The following WIPF2 variants were observed in gnomAD, a reference collection of about 807,000 sequenced individuals.
WIPF2 encodes WAS/WASL-interacting protein family member 2.
WIPF2 carries 23 observed loss-of-function variants against 38.8 expected under a neutral mutation model. The ratio of observed to expected loss-of-function variants is 0.59; its 90% CI spans 0.43 to 0.84. WIPF2 has a LOEUF of 0.84. WIPF2 is among the 40% of genes least tolerant of loss of function. The probability of loss-of-function intolerance (pLI) is 0.00; values close to 1 mark genes in which losing one functional copy is unlikely to be tolerated. For synonymous variants in WIPF2, 210 were observed against 223.2 expected, an observed-to-expected ratio of 0.94 and a Z score of 0.53; for missense variants, 574 against 580.5, an observed-to-expected ratio of 0.99 and a Z score of 0.11.
chr17:40,278,505 C>T lies in WIPF2; in HGVS notation c.*280C>T, dbSNP rs1330304928. Reference sequence around the variant, plus strand: ...CATGAGGAACAAGTTTCCGTGTCTTCTGCCTTCCTCTTGGGGAAAGGTGCC... The same window carrying T: ...CATGAGGAACAAGTTTCCGTGTCTTTTGCCTTCCTCTTGGGGAAAGGTGCC... On this transcript the variant is annotated 3_prime_UTR_variant, in exon 8 of 8. Transcript: ENST00000323571. The T allele has an allele frequency of 2.2e-6, 1 of 451,352 alleles. No homozygotes were observed. Among genetic ancestry groups the T allele is most frequent in the Admixed American group, 3.7e-5 (1 of 26,760 alleles). 28.0% of individuals were successfully genotyped at this position (451,352 alleles called of 1,614,324 possible).
chr17:40,260,610 G>A lies in WIPF2; in HGVS notation c.139G>A (p.Gly47Arg), dbSNP rs2031866841. 6.2e-7 allele frequency: 1 copy of A among 1,613,948 alleles called. No homozygotes were observed. Among genetic ancestry groups the A allele is most frequent in the Non-Finnish European group, 8.5e-7 (1 of 1,180,008 alleles). ...CGCCCTCTTACAGGACATTTGCAAA[G>A]GGACCAAGCTGAAGAAGGTGACCAA... is the stretch of plus-strand genomic sequence containing the variant. ...RGALLQDICK[G>R]TKLKKVTNIN... Residue 47 changes from glycine to arginine, a missense_variant, in exon 3 of 8, where the codon GGG becomes AGG. Gly to Arg is a moderately radical substitution (Grantham distance 125). Coordinates refer to ENST00000323571, the MANE Select transcript of WIPF2 (RefSeq NM_133264.5).
rs2032565322 is a variant in WIPF2 at position 40,282,241 on chromosome 17, A to G, written c.*4016A>G. 1 of 152,036 alleles carries G rather than the reference A, an allele frequency of 6.6e-6. No homozygotes were observed. Among genetic ancestry groups the G allele is most frequent in the South Asian group, 2.1e-4 (1 of 4,832 alleles). The allele number at this position is 152,036 out of a possible 1,614,324, so 9.4% of individuals were successfully genotyped here. On this transcript the variant is annotated 3_prime_UTR_variant, in exon 8 of 8. Transcript: ENST00000323571. ...TTTCTTCCTTTCCCTCTTTGAAGCA[A>G]TTAAAATCTTCCTTGATAACTGCTG...
At chr17:40,226,211 T>A (rs1219510744) in intron 1 of WIPF2, among the ~76,000 whole-genome samples, 10 of 149,290 alleles carry the variant, frequency 6.7e-5, no homozygotes, top group African/African-American at 2.2e-4. Flanking sequence ...AAAAAAAATT[T>A]TTTTTTTTTT....
chr17:40,244,248 T>C (rs1314614961), intron 1 of WIPF2, among the ~76,000 whole-genome samples: 2 of 152,188 alleles, frequency 1.3e-5, no homozygotes, highest in African/African-American at 4.8e-5. Flanking sequence ...CTTGACATTA[T>C]TCCCTGTGTG....
chr17:40,250,717 CTG>C (rs2031531038), intron 1 of WIPF2, among the ~76,000 whole-genome samples: 1 of 151,944 alleles, frequency 6.6e-6, no homozygotes, highest in Non-Finnish European at 1.5e-5. Flanking sequence ...ACTTAAAATT[CTG>C]TAGAGAACCT....
intron 6 of WIPF2, 49 bp downstream of exon 6, chr17:40,274,048 C>A: frequency 6.9e-7 from 1 of 1,444,932 alleles, no homozygotes; most frequent in Non-Finnish European, 9.3e-7. Flanking sequence ...GTGACTTCAC[C>A]CACTCCAGTG....
chr17:40,230,718 T>A (rs923988792), intron 1 of WIPF2, among the ~76,000 whole-genome samples: 2 of 152,092 alleles, frequency 1.3e-5, no homozygotes, highest in Non-Finnish European at 2.9e-5. Context: ...TTACTTTTAG[T>A]GGGAGGAGCA....
chr17:40,236,798 G>A lies in WIPF2; in HGVS notation c.-70+17306G>A, dbSNP rs551979929. Among the ~76,000 whole-genome samples, 8 of 151,560 alleles carry A rather than the reference G, an allele frequency of 5.3e-5. No homozygotes were observed. The East Asian group carries it at 7.8e-4, about 15-fold the overall frequency. Reference sequence around the variant, plus strand: ...TAATTTTTGTGTTTTTAGTAGAGACGGGGTTTTACCATCTTGGCCAGGCTG... The same window carrying A: ...TAATTTTTGTGTTTTTAGTAGAGACAGGGTTTTACCATCTTGGCCAGGCTG... On this transcript the variant is annotated intron_variant, in intron 1 of 7. Coordinates refer to ENST00000323571, the MANE Select transcript of WIPF2 (RefSeq NM_133264.5).
rs1161756419 is a variant in WIPF2, at chr17:40,278,881, TAAAA to T, written c.*658_*661del. ...CTAATCAGTTGAACTTAACATTTAA[TAAAA>T]AGAAAGGGTGAAATAAACTGAAGAC... On this transcript the variant is annotated 3_prime_UTR_variant, in exon 8 of 8. Coordinates refer to ENST00000323571, the MANE Select transcript of WIPF2 (RefSeq NM_133264.5). The T allele has an allele frequency of 1.3e-5, 2 of 150,048 alleles. No homozygotes were observed. Among genetic ancestry groups the T allele is most frequent in the African/African-American group, 4.9e-5 (2 of 40,620 alleles). 9.3% of individuals were successfully genotyped at this position (150,048 alleles called of 1,614,324 possible). A position where few individuals can be genotyped will look rare whatever the true frequency, so the allele number is the denominator to read the frequency against.
At chr17:40,258,080 A>G (rs996649218) in intron 2 of WIPF2, among the ~76,000 whole-genome samples, 5 of 152,158 alleles carry the variant, frequency 3.3e-5, no homozygotes, top group African/African-American at 1.2e-4. Flanking sequence ...TTTTGTGTGG[A>G]AGCCCAATAA....
intron 1 of WIPF2, among the ~76,000 whole-genome samples, chr17:40,248,163 CTTTTTTTTTTTTTTTT>C (rs60359132): frequency 4.2e-5 from 2 of 47,620 alleles, no homozygotes; most frequent in African/African-American, 8.3e-5. Context: ...AAAGTTATTT[CTTTTTTTTTTTTTTTT>C]TTTTTTTTTT....
At chr17:40,245,499 T>A (rs1383549224) in intron 1 of WIPF2, among the ~76,000 whole-genome samples, 2 of 151,848 alleles carry the variant, frequency 1.3e-5, no homozygotes, top group Non-Finnish European at 2.9e-5. Context: ...CCCGCCACCA[T>A]GCTTGGCTGA....
chr17:40,224,231 CTTTTT>C (rs57637591), intron 1 of WIPF2, among the ~76,000 whole-genome samples: 2 of 110,146 alleles, frequency 1.8e-5, no homozygotes, highest in African/African-American at 6.9e-5. Context: ...CTTTTCTTTT[CTTTTT>C]TTTTTTTTTT....
intron 1 of WIPF2, among the ~76,000 whole-genome samples, chr17:40,224,781 A>G (rs566946224): frequency 6.6e-6 from 1 of 152,056 alleles, no homozygotes; most frequent in South Asian, 2.1e-4. Flanking sequence ...GGGTCAGATA[A>G]TGGCCTCTGT....
chr17:40,269,057 G>A (rs1020819715), intron 5 of WIPF2, among the ~76,000 whole-genome samples: 2 of 151,966 alleles, frequency 1.3e-5, no homozygotes, highest in African/African-American at 2.4e-5. Flanking sequence ...AGTGGCTCAC[G>A]CCTGTAATCC....
At chr17:40,262,672 C>G in intron 4 of WIPF2, 31 bp downstream of exon 4, 1 of 1,577,170 alleles carries the variant, frequency 6.3e-7, no homozygotes, top group Non-Finnish European at 8.7e-7. Flanking sequence ...CAGGGTATTT[C>G]CCTGGTGTGT....
intron 1 of WIPF2, among the ~76,000 whole-genome samples, chr17:40,227,588 C>A (rs996978713): frequency 6.6e-6 from 1 of 151,954 alleles, no homozygotes; most frequent in African/African-American, 2.4e-5. Context: ...TGCGGTGGCT[C>A]ACACCTGTAA....
intron 1 of WIPF2, among the ~76,000 whole-genome samples, chr17:40,252,156 T>TA (rs1048319871): frequency 1.3e-5 from 2 of 152,004 alleles, no homozygotes; most frequent in African/African-American, 2.4e-5. Flanking sequence ...ATATATTGCT[T>TA]AAAAAAAATT....
chr17:40,276,676 G>A (rs2032410480), intron 6 of WIPF2, among the ~76,000 whole-genome samples: 1 of 152,224 alleles, frequency 6.6e-6, no homozygotes, highest in East Asian at 1.9e-4. Context: ...CACTTTGGGA[G>A]GCCAGGTGGG....
Sources: gnomAD v4.1 joint callset for allele counts (sites outside exome capture counted in the v4.1 genomes callset) on GRCh38, gnomAD v4.1.1 for gene constraint, MANE v1.5 for transcripts, NCBI Gene and HGNC (gene_info 2026-07-23, HGNC 2026-07-21) for gene names.